TYW1B: variants seen among roughly 807,000 people sequenced by gnomAD.
TYW1B encodes tRNA-yW synthesizing protein 1 homolog B, also known as S-adenosyl-L-methionine-dependent tRNA 4-demethylwyosine synthase TYW1B.
In TYW1B, 73 loss-of-function variants were observed where a neutral mutation model predicts 86.9. The ratio of observed to expected loss-of-function variants is 0.84; its 90% CI spans 0.70 to 1.02. The LOEUF is 1.02. Among genes scored for constraint, TYW1B ranks in the 50% least tolerant of loss-of-function variants. TYW1B has a pLI of 0.00. For missense variants in TYW1B, 637 were observed against 827.4 expected (o/e 0.77, Z 2.82); for synonymous variants, 248 against 292.8 (o/e 0.85, Z 1.56).
chr7:72,747,449 C>T (rs1585951282), intron 7 of TYW1B, among the ~76,000 whole-genome samples: 1 of 152,264 alleles, frequency 6.6e-6, no homozygotes, highest in Non-Finnish European at 1.5e-5. Flanking sequence ...CGGACTAATA[C>T]AGAATTGCTT....
chr7:72,611,824 G>C (rs1554435982), intron 13 of TYW1B, among the ~76,000 whole-genome samples: 1 of 152,056 alleles, frequency 6.6e-6, no homozygotes, highest in Non-Finnish European at 1.5e-5. Flanking sequence ...GCGCACACTT[G>C]GTGCCATGTC....
chr7:72,594,304 AC>A (rs1811475446), intron 13 of TYW1B, among the ~76,000 whole-genome samples: 1 of 151,834 alleles, frequency 6.6e-6, no homozygotes, highest in African/African-American at 2.4e-5. Context: ...GACTTGAATT[AC>A]CAAAATCAGA....
chr7:72,742,541 A>C (rs1400180250), intron 8 of TYW1B, among the ~76,000 whole-genome samples: 16 of 152,214 alleles, frequency 1.1e-4, no homozygotes, highest in African/African-American at 3.6e-4. Flanking sequence ...ATAAAGTTGT[A>C]ATTTGTGACA....
At chr7:72,744,194 A>G (rs1787354402) in intron 8 of TYW1B, among the ~76,000 whole-genome samples, 3 of 152,186 alleles carry the variant, frequency 2.0e-5, no homozygotes, top group Admixed American at 2.0e-4. Flanking sequence ...TTTTATCACT[A>G]ATGTATCACT....
intron 2 of TYW1B, among the ~76,000 whole-genome samples, chr7:72,825,422 T>C (rs1208104477): frequency 2.0e-5 from 3 of 152,336 alleles, no homozygotes; most frequent in African/African-American, 7.2e-5. Context: ...CTCACGCCTG[T>C]AATCCCAGCA....
intron 12 of TYW1B, among the ~76,000 whole-genome samples, chr7:72,625,508 A>C (rs117474035): frequency 0.2 from 26,313 of 134,072 alleles, 2,780 homozygotes; most frequent in African/African-American, 0.37. Flanking sequence ...GTCTGTCATC[A>C]AGCTACTTGG....
intron 8 of TYW1B, among the ~76,000 whole-genome samples, chr7:72,732,145 T>A (rs797042093): frequency 1.3e-5 from 2 of 152,144 alleles, no homozygotes; most frequent in Non-Finnish European, 2.9e-5. Context: ...GCAAACATTA[T>A]GAGATCTAAT....
chr7:72,712,732 T>C (rs1336789287), intron 10 of TYW1B, among the ~76,000 whole-genome samples: 5 of 152,202 alleles, frequency 3.3e-5, no homozygotes, highest in African/African-American at 1.2e-4. Context: ...CTCCTGCTGC[T>C]TCTTGTCTCC....
At chr7:72,579,725 A>C (rs1585822225) in intron 13 of TYW1B, among the ~76,000 whole-genome samples, 2 of 152,132 alleles carry the variant, frequency 1.3e-5, no homozygotes, top group South Asian at 4.1e-4. Flanking sequence ...ACTATTGCAC[A>C]TTGCAGCCTC....
At chr7:72,668,673 A>G (rs1177797626) in intron 11 of TYW1B, among the ~76,000 whole-genome samples, 4 of 152,176 alleles carry the variant, frequency 2.6e-5, no homozygotes, top group African/African-American at 9.7e-5. Context: ...GCTCTTTAGT[A>G]ATCAGTGGTG....
chr7:72,681,967 T>A (rs1411859121), intron 11 of TYW1B, among the ~76,000 whole-genome samples: 2 of 151,668 alleles, frequency 1.3e-5, no homozygotes, highest in Admixed American at 1.3e-4. Flanking sequence ...AACCTCCGCC[T>A]CCCGGGTTCA....
intron 13 of TYW1B, among the ~76,000 whole-genome samples, chr7:72,593,805 G>C (rs1274204569): frequency 1.8e-5 from 2 of 110,276 alleles, no homozygotes; most frequent in African/African-American, 3.6e-5. Flanking sequence ...CTGGGTGACA[G>C]AGCCAGACTC....
rs1187475788 is a variant in TYW1B at position 72,585,762 on chromosome 7, G to A, written c.1786-10043C>T. On this transcript the variant is annotated intron_variant, in intron 13 of 13. Coordinates refer to ENST00000620995, the MANE Select transcript of TYW1B (RefSeq NM_001145440.3). ...CTGCCATGATTGTGATGCCACCCCA[G>A]CCACGTGAACTGTGAGTCCATTAAA... Among the ~76,000 whole-genome samples, 3 of 152,128 alleles carry A rather than the reference G, an allele frequency of 2.0e-5. No homozygotes were observed. The East Asian group carries it at 5.8e-4, about 29-fold the overall frequency.
At chr7:72,631,110 A>T (rs1160781469) in intron 11 of TYW1B, among the ~76,000 whole-genome samples, 3 of 152,144 alleles carry the variant, frequency 2.0e-5, no homozygotes, top group African/African-American at 7.2e-5. Flanking sequence ...AGAATGAGCA[A>T]ATCAAACGCC....
At chr7:72,586,169 T>C (rs1811272004) in intron 13 of TYW1B, among the ~76,000 whole-genome samples, 1 of 152,304 alleles carries the variant, frequency 6.6e-6, no homozygotes, top group Admixed American at 6.5e-5. Flanking sequence ...TCTAGGAGAA[T>C]TCCATGCTTG....
At chr7:72,776,639 C>T (rs1787960453) in intron 7 of TYW1B, among the ~76,000 whole-genome samples, 1 of 120,582 alleles carries the variant, frequency 8.3e-6, no homozygotes, top group African/African-American at 3.1e-5. Context: ...AGTAAGCAAA[C>T]AAAATATAAA....
intron 11 of TYW1B, among the ~76,000 whole-genome samples, chr7:72,674,647 T>G (rs1399221831): frequency 4.6e-5 from 7 of 152,118 alleles, no homozygotes; most frequent in Non-Finnish European, 1.0e-4. Context: ...CCACTCCAAC[T>G]AAGGTTGATT....
chr7:72,742,093 C>T lies in TYW1B; in HGVS notation c.1082+2391G>A, dbSNP rs1260515243. ...ACATAGGTAAATACAAAAGTCACCA[C>T]TGTTGTATTTTTGGATTTTTATTTG... On this transcript the variant is annotated intron_variant, in intron 8 of 13. Coordinates refer to ENST00000620995, the MANE Select transcript of TYW1B (RefSeq NM_001145440.3). Among the ~76,000 whole-genome samples the T allele has an allele frequency of 2.0e-5, 3 of 152,190 alleles. No homozygotes were observed. In the South Asian group the frequency reaches 6.2e-4, roughly 32 times the overall value.
intron 11 of TYW1B, among the ~76,000 whole-genome samples, chr7:72,685,543 A>C (rs1463173176): frequency 6.6e-6 from 1 of 152,236 alleles, no homozygotes; most frequent in Non-Finnish European, 1.5e-5. Context: ...AAAGAGAAAA[A>C]AGTAATACAA....
Sources: allele counts gnomAD v4.1 joint callset (sites outside exome capture counted in the v4.1 genomes callset), GRCh38; gene constraint gnomAD v4.1.1; transcripts MANE v1.5; gene names NCBI Gene and HGNC (gene_info 2026-07-23, HGNC 2026-07-21).